DNAH7: variants seen among roughly 807,000 people sequenced by gnomAD.
DNAH7 encodes dynein axonemal heavy chain 7, also known as axonemal beta dynein heavy chain 7.
DNAH7 carries 397 observed loss-of-function variants against 444.6 expected under a neutral mutation model. The observed-to-expected ratio is 0.89, with a 90% CI of 0.82 to 0.97. The LOEUF is 0.97. Ranked by LOEUF, DNAH7 falls within the 50% of genes least tolerant of loss-of-function variation. The pLI is 0.00. For synonymous variants in DNAH7, 1,636 were observed against 1,624.4 expected, an observed-to-expected ratio of 1.01 and a Z score of -0.17; for missense variants, 4,902 against 4,800.8, an observed-to-expected ratio of 1.02 and a Z score of -0.62.
At chr2:195,910,218 T>C in intron 24 of DNAH7, 23 bp from the exon 25 acceptor site, 2 of 1,544,890 alleles carry the variant, frequency 1.3e-6, no homozygotes, top group Non-Finnish European at 1.7e-6. Context: ...AAATAGACAT[T>C]CTTTGTAGAA....
intron 60 of DNAH7, among the ~76,000 whole-genome samples, chr2:195,772,223 G>A (rs548157183): frequency 1.3e-5 from 2 of 152,306 alleles, no homozygotes; most frequent in South Asian, 4.1e-4. Flanking sequence ...CATTGCACTG[G>A]TGGAGTGGCC....
intron 63 of DNAH7, among the ~76,000 whole-genome samples, chr2:195,746,480 T>G (rs1188928566): frequency 6.6e-6 from 1 of 152,154 alleles, no homozygotes; most frequent in African/African-American, 2.4e-5. Flanking sequence ...TGAACTCAGC[T>G]CTGCACCAAG....
At position 195,864,968 on chromosome 2, in the gene DNAH7, G is replaced by A. The variant is rs372476245; in HGVS notation, c.6687C>T (p.Leu2229=). The change falls in exon 41 of 65, where the codon CTC becomes CTT. Residue 2229 remains leucine, a synonymous_variant. Coordinates refer to ENST00000312428, the MANE Select transcript of DNAH7 (RefSeq NM_018897.3). ...TCAAAATTTCTTGAATGTAGTTGAT[G>A]AGCCAGCTTCTGTCTGTATTGTCCA... ...RLLDNTDRSW[L]INYIQEILRN... 8.1e-6 allele frequency: 13 copies of A among 1,606,606 alleles called. No individual in the cohort carries two copies. The Admixed American group carries it at 1.0e-4, about 12-fold the overall frequency.
chr2:195,856,426 G>C (rs1305129387), intron 44 of DNAH7, among the ~76,000 whole-genome samples: 1 of 152,058 alleles, frequency 6.6e-6, no homozygotes, highest in African/African-American at 2.4e-5. Context: ...GTAATAAAAG[G>C]AATTATATAG....
rs577290502 is a variant in DNAH7, at chr2:195,759,745, G to C, written c.11434-3460C>G. On this transcript the variant is annotated intron_variant, in intron 61 of 64. Transcript: ENST00000312428. ...TGCAGGTCTTTAGTCCCAGCTGCTT[G>C]GGGGGCTGAGGCAAGAGGATTACTT... Among the ~76,000 whole-genome samples the C allele has an allele frequency of 2.6e-5, 4 of 152,242 alleles. No homozygotes were observed. The East Asian group carries it at 7.7e-4, about 29-fold the overall frequency.
intron 12 of DNAH7, among the ~76,000 whole-genome samples, chr2:195,992,427 T>A (rs1380663362): frequency 6.6e-6 from 1 of 152,228 alleles, no homozygotes; most frequent in Admixed American, 6.5e-5. Flanking sequence ...TTTAAAGCAC[T>A]AGTGTCATCT....
chr2:196,010,791 TTATA>T (rs1311623012), intron 10 of DNAH7, among the ~76,000 whole-genome samples: 1 of 152,138 alleles, frequency 6.6e-6, no homozygotes, highest in African/African-American at 2.4e-5. Flanking sequence ...AAAATGTAGT[TTATA>T]TACACAATGG....
chr2:195,994,204 T>TA (rs746161550), intron 12 of DNAH7: 5 of 250,998 alleles, frequency 2.0e-5, no homozygotes, highest in African/African-American at 6.9e-5. Context: ...GGTCCCATGA[T>TA]AAAAAATTAT....
intron 60 of DNAH7, among the ~76,000 whole-genome samples, chr2:195,775,328 A>G (rs6716908): frequency 0.026 from 3,920 of 152,290 alleles, 171 homozygotes; most frequent in African/African-American, 0.088. Context: ...TACTATTGCA[A>G]TTATATTTTA....
intron 12 of DNAH7, among the ~76,000 whole-genome samples, chr2:195,988,440 G>C (rs1213765875): frequency 6.6e-6 from 1 of 151,828 alleles, no homozygotes; most frequent in Non-Finnish European, 1.5e-5. Flanking sequence ...TTTCTTTAAG[G>C]CTACCTAGTT....
chr2:195,945,005 T>G (rs1173555363), intron 19 of DNAH7, among the ~76,000 whole-genome samples: 1 of 151,640 alleles, frequency 6.6e-6, no homozygotes, highest in Non-Finnish European at 1.5e-5. Context: ...GATTGAGTGA[T>G]TTTTACACTG....
intron 10 of DNAH7, among the ~76,000 whole-genome samples, chr2:196,003,466 T>G (rs751483655): frequency 3.3e-5 from 5 of 152,222 alleles, no homozygotes; most frequent in Non-Finnish European, 7.3e-5. Context: ...ATGAAACATT[T>G]GGGGTACAAA....
chr2:195,982,031 C>T (rs1233028421), intron 15 of DNAH7, among the ~76,000 whole-genome samples: 1 of 152,116 alleles, frequency 6.6e-6, no homozygotes, highest in South Asian at 2.1e-4. Context: ...AGAGACAACC[C>T]AGAGCACGGG....
chr2:195,992,863 A>G (rs1277279571), intron 12 of DNAH7, among the ~76,000 whole-genome samples: 1 of 152,204 alleles, frequency 6.6e-6, no homozygotes, highest in African/African-American at 2.4e-5. Flanking sequence ...CTTCTGCTCC[A>G]TGTTCTACAT....
chr2:195,744,554 A>G (rs997078446), intron 63 of DNAH7, among the ~76,000 whole-genome samples: 8 of 152,338 alleles, frequency 5.3e-5, no homozygotes, highest in African/African-American at 1.9e-4. Flanking sequence ...TGCCTCCTCA[A>G]GTGGGTCCCT....
chr2:195,845,833 C>T (rs923671600), intron 46 of DNAH7, among the ~76,000 whole-genome samples: 6 of 152,110 alleles, frequency 3.9e-5, no homozygotes, highest in African/African-American at 1.4e-4. Context: ...TGGACCCATT[C>T]GTTACGCCAT....
chr2:195,847,786 GGA>G (rs1232198239), intron 46 of DNAH7, among the ~76,000 whole-genome samples: 1 of 152,138 alleles, frequency 6.6e-6, no homozygotes, highest in Non-Finnish European at 1.5e-5. Flanking sequence ...TGAACCAGTA[GGA>G]GAGACGGAAA....
chr2:196,009,902 T>C (rs1694624072), intron 10 of DNAH7, among the ~76,000 whole-genome samples: 2 of 152,178 alleles, frequency 1.3e-5, no homozygotes, highest in Non-Finnish European at 2.9e-5. Context: ...AACAGGTATA[T>C]GAAGAATGCC....
chr2:196,047,396 A>C lies in DNAH7; in HGVS notation c.354T>G (p.His118Gln), dbSNP rs372676468. 9.4e-6 allele frequency: 15 copies of C among 1,602,068 alleles called. No homozygotes were observed. Among genetic ancestry groups the C allele is most frequent in the Non-Finnish European group, 1.3e-5 (15 of 1,173,428 alleles). ...STSKSKGKSP[H>Q]KERENFRSTL... ...TACTTCTAAAGTTTTCTCGTTCTTT[A>C]TGTGGAGATTTGCCCTTTGATTTGG... is the stretch of plus-strand genomic sequence containing the variant. The change falls in exon 5 of 65, where the codon CAT (histidine) becomes CAG (glutamine). Residue 118 changes from histidine (H) to glutamine (Q), a missense_variant. By Grantham distance (24) the His-to-Gln change is conservative. Coordinates refer to ENST00000312428, the MANE Select transcript of DNAH7 (RefSeq NM_018897.3).
Sources: allele counts gnomAD v4.1 joint callset (sites outside exome capture counted in the v4.1 genomes callset), GRCh38; gene constraint gnomAD v4.1.1; transcripts MANE v1.5; gene names NCBI Gene and HGNC (gene_info 2026-07-23, HGNC 2026-07-21).